MYO1E: variants seen among roughly 807,000 people sequenced by gnomAD.
The protein encoded by MYO1E is unconventional myosin-Ie.
Under a neutral mutation model 151.1 loss-of-function variants are expected in MYO1E, and 68 were observed. The ratio of observed to expected loss-of-function variants is 0.45; its 90% confidence interval spans 0.37 to 0.55. The LOEUF is 0.55. Ranked by LOEUF, MYO1E falls within the 20% of genes least tolerant of loss-of-function variation. The probability of loss-of-function intolerance (pLI) is 0.00; values close to 1 mark genes in which losing one functional copy is unlikely to be tolerated. For missense variants in MYO1E, 1,363 were observed against 1,389.3 expected, an observed-to-expected ratio of 0.98 and a Z score of 0.30; for synonymous variants, 601 against 501.7, an observed-to-expected ratio of 1.20 and a Z score of -2.64.
chr15:59,282,123 G>C (rs2080356422), intron 1 of MYO1E, among the ~76,000 whole-genome samples: 1 of 152,144 alleles, frequency 6.6e-6, no homozygotes, highest in African/African-American at 2.4e-5. Flanking sequence ...TCCAGCCATA[G>C]GGAATTTAAA....
intron 15 of MYO1E, 77 bp from the exon 16 acceptor site, chr15:59,202,484 G>C: frequency 1.5e-6 from 2 of 1,344,204 alleles, no homozygotes; most frequent in Non-Finnish European, 2.1e-6. Flanking sequence ...CTAGAGGATG[G>C]GGTGAAGGGC....
intron 14 of MYO1E, chr15:59,206,770 C>A: frequency 1.6e-6 from 1 of 624,192 alleles, no homozygotes; most frequent in East Asian, 2.8e-5. Context: ...ACGGAAAGCA[C>A]GTGTCGGAGA....
chr15:59,322,504 T>A (rs1415441143), intron 1 of MYO1E, among the ~76,000 whole-genome samples: 1 of 152,226 alleles, frequency 6.6e-6, no homozygotes. Context: ...AAATCTTTTG[T>A]GGTTAAACAA....
intron 1 of MYO1E, among the ~76,000 whole-genome samples, chr15:59,303,634 C>T (rs534906909): frequency 3.9e-5 from 6 of 152,330 alleles, no homozygotes; most frequent in African/African-American, 7.2e-5. Flanking sequence ...GATCTCTCCT[C>T]GGAGTAAGCA....
intron 15 of MYO1E, 92 bp from the exon 16 acceptor site, chr15:59,202,499 C>G: frequency 8.7e-7 from 1 of 1,144,888 alleles, no homozygotes; most frequent in Admixed American, 1.7e-5. Context: ...AAGGGCCGTC[C>G]CCAGGCACAT....
intron 14 of MYO1E, chr15:59,208,038 A>G (rs1369914369): frequency 6.3e-7 from 1 of 1,589,112 alleles, no homozygotes; most frequent in Non-Finnish European, 8.5e-7. Context: ...CCCATCTGAA[A>G]AAAAGTGCAA....
At position 59,171,907 on chromosome 15, in the gene MYO1E, C is replaced by G. The variant is rs376718983; in HGVS notation, c.2470G>C (p.Val824Leu). Residue 824 changes from valine (V) to leucine (L), a missense_variant, in exon 22 of 28, where the codon GTG becomes CTG. Coordinates refer to ENST00000288235, the MANE Select transcript of MYO1E (RefSeq NM_004998.4). ...ACCTCCACTACTCACCTGAGGGACA[C>G]AGACAAGATCCGTTCTATCTCGATT... ...RKIEIERILS[V>L]SLSTMQDDIF... is the part of the protein sequence containing the mutation. The G allele has an allele frequency of 5.0e-5, 80 of 1,614,110 alleles. No homozygotes were observed. Among genetic ancestry groups the G allele is most frequent in the Non-Finnish European group, 6.6e-5 (78 of 1,180,046 alleles).
intron 1 of MYO1E, among the ~76,000 whole-genome samples, chr15:59,303,417 T>C (rs1209696832): frequency 6.6e-6 from 1 of 151,878 alleles, no homozygotes; most frequent in Non-Finnish European, 1.5e-5. Context: ...CTTTCCTAGC[T>C]ACTGAGGAGG....
At position 59,272,409 on chromosome 15, in the gene MYO1E, T is replaced by C. The variant is rs542281660; in HGVS notation, c.44A>G (p.Asn15Ser). 7.4e-6 allele frequency: 12 copies of C among 1,614,138 alleles called. No individual in the cohort carries two copies. In the East Asian group the frequency reaches 2.0e-4, roughly 27 times the overall value. ...GTCGTCCACACCACTGTGCTTGACA[T>C]TGTGGCTTTGCCAGTGGTACTGGTA... ...GVYQYHWQSH[N>S]VKHSGVDDMV... Residue 15 changes from asparagine (N) to serine (S), a missense_variant, in exon 2 of 28, where the codon AAT becomes AGT. Coordinates refer to ENST00000288235, the MANE Select transcript of MYO1E (RefSeq NM_004998.4).
chr15:59,145,002 C>T (rs1158564376), intron 26 of MYO1E, among the ~76,000 whole-genome samples: 1 of 152,100 alleles, frequency 6.6e-6, no homozygotes, highest in Non-Finnish European at 1.5e-5. Flanking sequence ...CACCACCATG[C>T]CCGGCTAATC....
chr15:59,258,088 T>C (rs1401129429), intron 3 of MYO1E, among the ~76,000 whole-genome samples: 2 of 152,172 alleles, frequency 1.3e-5, no homozygotes, highest in Non-Finnish European at 2.9e-5. Flanking sequence ...GGCTCAGGCC[T>C]GTAATCTCAG....
chr15:59,225,960 T>C (rs1327207171), intron 7 of MYO1E, among the ~76,000 whole-genome samples: 5 of 152,196 alleles, frequency 3.3e-5, no homozygotes, highest in East Asian at 1.9e-4. Flanking sequence ...ATTACTTTCA[T>C]GTCAGAATCT....
intron 16 of MYO1E, among the ~76,000 whole-genome samples, chr15:59,197,680 A>T (rs930765330): frequency 7.2e-5 from 11 of 152,232 alleles, no homozygotes; most frequent in African/African-American, 2.7e-4. Context: ...CTTTGGCAAC[A>T]ATCCTATCCT....
chr15:59,135,862 A>G lies in MYO1E; in HGVS notation c.*1518T>C, dbSNP rs554478111. 1 of 152,340 alleles carries G rather than the reference A, an allele frequency of 6.6e-6. No individual in the cohort carries two copies. The highest frequency in any genetic ancestry group is 2.1e-4 in the South Asian group (1 of 4,830). 9.4% of individuals were successfully genotyped at this position (152,340 alleles called of 1,614,324 possible). A position where few individuals can be genotyped will look rare whatever the true frequency, so the allele number is the denominator to read the frequency against. ...GAAATGGCAGTCTCTACTTACAACCATTCCATTATTGATGGGCATTACACT... is the reference window on the plus strand; with the variant it reads ...GAAATGGCAGTCTCTACTTACAACCGTTCCATTATTGATGGGCATTACACT... On this transcript the variant is annotated 3_prime_UTR_variant, in exon 28 of 28. Transcript: ENST00000288235.
At chr15:59,212,298 A>G (rs1328400727) in intron 12 of MYO1E, among the ~76,000 whole-genome samples, 1 of 151,906 alleles carries the variant, frequency 6.6e-6, no homozygotes, top group Non-Finnish European at 1.5e-5. Flanking sequence ...GTTTCATGTG[A>G]ACCTCTAGCC....
At chr15:59,342,057 G>C (rs111923622) in intron 1 of MYO1E, among the ~76,000 whole-genome samples, 1 of 152,016 alleles carries the variant, frequency 6.6e-6, no homozygotes, top group Non-Finnish European at 1.5e-5. Context: ...CCGTCTTCTG[G>C]ATAAAAGCCA....
At chr15:59,267,487 C>A (rs1322004869) in intron 2 of MYO1E, among the ~76,000 whole-genome samples, 3 of 152,184 alleles carry the variant, frequency 2.0e-5, no homozygotes, top group Non-Finnish European at 4.4e-5. Flanking sequence ...TGGCTCCAGC[C>A]CGGCATCTGT....
chr15:59,225,300 G>C (rs1215923414), intron 7 of MYO1E, among the ~76,000 whole-genome samples: 1 of 152,120 alleles, frequency 6.6e-6, no homozygotes, highest in Non-Finnish European at 1.5e-5. Context: ...ATAACCACTT[G>C]CATTCTAGCT....
At chr15:59,199,001 C>T (rs1274216587) in intron 16 of MYO1E, among the ~76,000 whole-genome samples, 2 of 152,132 alleles carry the variant, frequency 1.3e-5, no homozygotes, top group Non-Finnish European at 2.9e-5. Context: ...CAATCTTTGG[C>T]TCTAATTTAA....
Sources: gnomAD v4.1 joint callset for allele counts (sites outside exome capture counted in the v4.1 genomes callset) on GRCh38, gnomAD v4.1.1 for gene constraint, MANE v1.5 for transcripts, NCBI Gene and HGNC (gene_info 2026-07-23, HGNC 2026-07-21) for gene names.